Variants in PLEKHA7 observed in about 807,000 individuals in gnomAD.
PLEKHA7 encodes pleckstrin homology domain containing A7.
Under a neutral mutation model 170.0 loss-of-function variants are expected in PLEKHA7, and 104 were observed. That is an observed-to-expected ratio of 0.61 (90% CI 0.52 to 0.72). PLEKHA7 has a LOEUF of 0.72. Among genes scored for constraint, PLEKHA7 ranks in the 30% least tolerant of loss-of-function variants. The pLI is 0.00. For synonymous variants in PLEKHA7, 648 were observed against 660.8 expected, an observed-to-expected ratio of 0.98 and a Z score of 0.30; for missense variants, 1,615 against 1,671.7, an observed-to-expected ratio of 0.97 and a Z score of 0.59.
chr11:16,879,863 C>A (rs1028361399), intron 3 of PLEKHA7, among the ~76,000 whole-genome samples: 1 of 152,244 alleles, frequency 6.6e-6, no homozygotes, highest in Non-Finnish European at 1.5e-5. Flanking sequence ...ATGGCCAATT[C>A]ATTTTGCAAA....
intron 13 of PLEKHA7, among the ~76,000 whole-genome samples, chr11:16,810,862 G>A (rs1033964482): frequency 5.9e-5 from 9 of 152,294 alleles, no homozygotes; most frequent in African/African-American, 2.2e-4. Flanking sequence ...CCCAAATACT[G>A]ACACCCGCTA....
rs553453821 is a variant in PLEKHA7, at chr11:16,864,934, C to T, written c.305+6165G>A. The stretch of plus-strand genomic sequence containing the variant: ...CATTAATCTGACACCTGCCTTTGCC[C>T]ACCACATGATAAATGTACCCCACTT... On this transcript the variant is annotated intron_variant, in intron 4 of 26. Coordinates refer to ENST00000531066, the MANE Select transcript of PLEKHA7 (RefSeq NM_001329630.2). Among the ~76,000 whole-genome samples, 14 of 152,204 alleles carry T rather than the reference C, an allele frequency of 9.2e-5. No homozygotes were observed. In the South Asian group the frequency reaches 1.0e-3, roughly 11 times the overall value.
chr11:16,963,840 T>C (rs1045582802), intron 3 of PLEKHA7, among the ~76,000 whole-genome samples: 1 of 152,206 alleles, frequency 6.6e-6, no homozygotes, highest in African/African-American at 2.4e-5. Flanking sequence ...CAGCCACCTC[T>C]CATTGCTTTT....
intron 3 of PLEKHA7, among the ~76,000 whole-genome samples, chr11:16,871,434 G>A (rs1157073527): frequency 6.6e-6 from 1 of 152,140 alleles, no homozygotes; most frequent in Non-Finnish European, 1.5e-5. Flanking sequence ...TTGGCTCCAA[G>A]AGAATACTGC....
rs1414270084 is a variant in PLEKHA7 at position 16,826,163 on chromosome 11, G to A, written c.1300C>T (p.Gln434Ter). 1 of 1,614,144 alleles carries A rather than the reference G, an allele frequency of 6.2e-7. No homozygotes were observed. Among genetic ancestry groups the A allele is most frequent in the Admixed American group, 1.7e-5 (1 of 60,026 alleles). The change falls in exon 10 of 27, where the codon CAG (glutamine) becomes TAG (stop). Residue 434 changes from glutamine to a stop codon, truncating the protein, a stop_gained. Coordinates refer to ENST00000531066, the MANE Select transcript of PLEKHA7 (RefSeq NM_001329630.2). LOFTEE classifies it high-confidence loss of function. ...TGGGCCCTTGCCCAGTGCTCCACCT[G>A]GGCCAGATTGCTCTTCCTTTGGCTG... ...KHSQRKSNLA[Q>*]VEHWARAQKG...
At chr11:16,803,182 G>A (rs757001882) in intron 14 of PLEKHA7, 45 bp downstream of exon 14, 1 of 1,591,992 alleles carries the variant, frequency 6.3e-7, no homozygotes. Flanking sequence ...CGGGGTCTGG[G>A]TCAGGAGGCA....
chr11:16,801,941 G>C (rs1848623317), intron 15 of PLEKHA7, 124 bp from the exon 16 acceptor site: 2 of 1,225,764 alleles, frequency 1.6e-6, no homozygotes, highest in Non-Finnish European at 2.3e-6. Flanking sequence ...GCTGAGATGT[G>C]GGCCCACAGT....
intron 4 of PLEKHA7, among the ~76,000 whole-genome samples, chr11:16,858,545 T>G (rs1384778603): frequency 1.1e-4 from 17 of 150,702 alleles, no homozygotes; most frequent in Non-Finnish European, 1.5e-5. Flanking sequence ...CAGGCTGGAG[T>G]GCAATGGTGC....
chr11:17,005,098 CCT>C (rs1212910611), intron 3 of PLEKHA7, among the ~76,000 whole-genome samples: 1 of 137,474 alleles, frequency 7.3e-6, no homozygotes, highest in Non-Finnish European at 1.6e-5. Flanking sequence ...TTCCTACAGC[CCT>C]CTGTCACCTC....
chr11:16,870,684 G>A (rs72864051), intron 4 of PLEKHA7, among the ~76,000 whole-genome samples: 10,989 of 149,512 alleles, frequency 0.073, 595 homozygotes, highest in Middle Eastern at 0.16. Flanking sequence ...TGTTAGCCTT[G>A]AACTCCTGGG....
In PLEKHA7 at chr11:16,869,113, G is replaced by A. The variant is rs1316490934; in HGVS notation, c.305+1986C>T. 5.9e-5 allele frequency among the ~76,000 whole-genome samples: 9 copies of A among 152,286 alleles called. No individual in the cohort carries two copies. The South Asian group carries it at 8.3e-4, about 14-fold the overall frequency. ...TTCTATAAACAAATTCATTCTGAGC[G>A]GAATTTGGGGAATCCACATATCCTG... On this transcript the variant is annotated intron_variant, in intron 4 of 26. Transcript: ENST00000531066.
Position 16,777,321 on chromosome 11 carries a change from A to T in PLEKHA7, c.*1677T>A, listed in dbSNP as rs2134088716. The T allele has an allele frequency of 6.6e-6, 1 of 152,070 alleles. No homozygotes were observed. Among genetic ancestry groups the T allele is most frequent in the African/African-American group, 2.4e-5 (1 of 41,592 alleles). The allele number at this position is 152,070 out of a possible 1,614,324, so 9.4% of individuals were successfully genotyped here. ...ATCAGGTTAATATTTTAATCTGTAC[A>T]TCACATTTTTTTTGCAAACCATTAC... On this transcript the variant is annotated 3_prime_UTR_variant, in exon 27 of 27. Transcript: ENST00000531066.
Position 16,807,203 on chromosome 11 carries a change from T to C in PLEKHA7, c.2008-3908A>G, listed in dbSNP as rs930869444. 4.1e-6 allele frequency: 4 copies of C among 985,174 alleles called. No individual in the cohort carries two copies. The African/African-American group carries it at 7.0e-5, about 17-fold the overall frequency. The allele number at this position is 985,174 out of a possible 1,614,324, so 61.0% of individuals were successfully genotyped here. A position where few individuals can be genotyped will look rare whatever the true frequency, so the allele number is the denominator to read the frequency against. ...TTCAGCACTTTGTAAAGCACGTTGATCAAAGGTTCATTATTTTTAATCTGT... is the reference window on the plus strand; with the variant it reads ...TTCAGCACTTTGTAAAGCACGTTGACCAAAGGTTCATTATTTTTAATCTGT... On this transcript the variant is annotated intron_variant, in intron 13 of 26. Coordinates refer to ENST00000531066, the MANE Select transcript of PLEKHA7 (RefSeq NM_001329630.2).
chr11:16,859,947 C>G (rs537004893), intron 4 of PLEKHA7, among the ~76,000 whole-genome samples: 2 of 152,354 alleles, frequency 1.3e-5, no homozygotes, highest in African/African-American at 4.8e-5. Context: ...TCTGTGTTAT[C>G]GGAAATCCCA....
At chr11:16,845,084 T>C (rs4756872) in intron 8 of PLEKHA7, among the ~76,000 whole-genome samples, 44,845 of 152,068 alleles carry the variant, frequency 0.29, 7,979 homozygotes, top group East Asian at 0.56. Context: ...CCCTGAGGAA[T>C]TGACATTGCA....
At chr11:17,007,042 C>T (rs543316621) in intron 3 of PLEKHA7, among the ~76,000 whole-genome samples, 41 of 152,340 alleles carry the variant, frequency 2.7e-4, no homozygotes, top group African/African-American at 8.9e-4. Flanking sequence ...CTCCCTGCCT[C>T]GGAGGACCAG....
rs1861948085 is a variant in PLEKHA7, at chr11:16,959,997, G to T, written c.221+53992C>A. The stretch of plus-strand genomic sequence containing the variant: ...CCCCAAGGGATCTACTGACAGACCA[G>T]AAGATGTGCAGTGGCAGGTCCTGCC... On this transcript the variant is annotated intron_variant, in intron 3 of 26. Transcript: ENST00000531066. Among the ~76,000 whole-genome samples, 2 of 152,164 alleles carry T rather than the reference G, an allele frequency of 1.3e-5. 1 individual carries two copies. The highest frequency in any genetic ancestry group is 1.3e-4 in the Admixed American group (2 of 15,286).
In PLEKHA7 at chr11:16,815,779, G is replaced by C. The variant is rs147864683; in HGVS notation, c.1953+399C>G. On this transcript the variant is annotated intron_variant, in intron 12 of 26. Transcript: ENST00000531066. ...GATCCACCCACCTCGGCCTCCCAAAGTGGTAGGATTACAAGTATGAACAAC... is the reference window on the plus strand; with the variant it reads ...GATCCACCCACCTCGGCCTCCCAAACTGGTAGGATTACAAGTATGAACAAC... Among the ~76,000 whole-genome samples the C allele has an allele frequency of 5.3e-3, 813 of 152,252 alleles. 7 individuals are homozygous for C. Among genetic ancestry groups the C allele is most frequent in the African/African-American group, 0.018 (763 of 41,542 alleles).
chr11:16,836,269 G>C (rs1851505001), intron 9 of PLEKHA7, among the ~76,000 whole-genome samples: 1 of 152,206 alleles, frequency 6.6e-6, no homozygotes, highest in Non-Finnish European at 1.5e-5. Flanking sequence ...GAAGAGCCCA[G>C]AGTCTGAGAA....
Sources: gnomAD v4.1 joint callset for allele counts (sites outside exome capture counted in the v4.1 genomes callset) on GRCh38, gnomAD v4.1.1 for gene constraint, MANE v1.5 for transcripts, NCBI Gene and HGNC (gene_info 2026-07-23, HGNC 2026-07-21) for gene names.